The following DEPDC5 variants were observed in gnomAD, a reference collection of about 807,000 sequenced individuals.
The protein encoded by DEPDC5 is DEP domain containing 5, GATOR1 subcomplex subunit.
DEPDC5 carries 73 observed loss-of-function variants against 217.3 expected under a neutral mutation model. The ratio of observed to expected loss-of-function variants is 0.34; its 90% CI spans 0.28 to 0.41. The LOEUF is 0.41. DEPDC5 is among the 10% of genes least tolerant of loss of function. The pLI, the probability that DEPDC5 is intolerant of heterozygous loss-of-function variation, is 1.00. For missense variants in DEPDC5, 1,675 were observed against 2,070.1 expected, an observed-to-expected ratio of 0.81 and a Z score of 3.70; for synonymous variants, 733 against 756.7, an observed-to-expected ratio of 0.97 and a Z score of 0.51.
chr22:31,768,735 T>C, intron 6 of DEPDC5, 79 bp from the exon 7 acceptor site: 1 of 1,253,154 alleles, frequency 8.0e-7, no homozygotes, highest in African/African-American at 1.5e-5. Context: ...ATGGCCTTAA[T>C]ATGTTAATCA....
At chr22:31,841,033 C>T (rs576905428) in intron 27 of DEPDC5, among the ~76,000 whole-genome samples, 1 of 152,368 alleles carries the variant, frequency 6.6e-6, no homozygotes, top group Non-Finnish European at 1.5e-5. Context: ...TGCTCATGAA[C>T]CTTGTCCCAT....
At chr22:31,776,876 C>T (rs895624922) in intron 7 of DEPDC5, among the ~76,000 whole-genome samples, 1 of 151,534 alleles carries the variant, frequency 6.6e-6, no homozygotes, top group African/African-American at 2.4e-5. Context: ...CACCCATTCT[C>T]GTACTATCTA....
chr22:31,832,341 C>G (rs2090665703), intron 24 of DEPDC5, among the ~76,000 whole-genome samples: 1 of 152,130 alleles, frequency 6.6e-6, no homozygotes, highest in Non-Finnish European at 1.5e-5. Flanking sequence ...ATCTGTTTTC[C>G]AAAGTGGTGT....
intron 3 of DEPDC5, 37 bp from the exon 4 acceptor site, chr22:31,760,619 C>T: frequency 1.9e-6 from 3 of 1,598,038 alleles, no homozygotes; most frequent in East Asian, 2.2e-5. Flanking sequence ...AGTTACTGTT[C>T]ACGGTATCCC....
At chr22:31,810,735 C>A in intron 20 of DEPDC5, 94 bp downstream of exon 20, 1 of 1,542,772 alleles carries the variant, frequency 6.5e-7, no homozygotes, top group Non-Finnish European at 8.7e-7. Flanking sequence ...CCTTGAAAAT[C>A]TTGTTTTGTT....
At chr22:31,807,293 C>T (rs2087667055) in intron 18 of DEPDC5, among the ~76,000 whole-genome samples, 1 of 152,134 alleles carries the variant, frequency 6.6e-6, no homozygotes, top group South Asian at 2.1e-4. Context: ...GCAAATACAT[C>T]TGGGTTTAGT....
intron 24 of DEPDC5, among the ~76,000 whole-genome samples, chr22:31,824,429 G>A (rs915214267): frequency 2.0e-5 from 3 of 152,128 alleles, no homozygotes; most frequent in East Asian, 3.8e-4. Flanking sequence ...TCATTGGTAG[G>A]TTCATCCAGC....
intron 14 of DEPDC5, among the ~76,000 whole-genome samples, chr22:31,799,388 A>G (rs1276359461): frequency 2.7e-5 from 4 of 150,876 alleles, no homozygotes; most frequent in Non-Finnish European, 5.9e-5. Context: ...ACACGTGCAG[A>G]ATGTGCAGGT....
chr22:31,887,557 G>T (rs2149344037), intron 38 of DEPDC5, among the ~76,000 whole-genome samples: 1 of 152,216 alleles, frequency 6.6e-6, no homozygotes, highest in African/African-American at 2.4e-5. Context: ...GCCTTAGGGG[G>T]TCAGTGAGTC....
chr22:31,867,394 C>T (rs2092717327), intron 33 of DEPDC5, among the ~76,000 whole-genome samples: 1 of 152,166 alleles, frequency 6.6e-6, no homozygotes, highest in Non-Finnish European at 1.5e-5. Context: ...AGTGGGAAAC[C>T]TCTGTTCCAA....
intron 40 of DEPDC5, among the ~76,000 whole-genome samples, chr22:31,899,537 C>T (rs768937096): frequency 1.2e-4 from 18 of 152,030 alleles, no homozygotes; most frequent in African/African-American, 2.7e-4. Context: ...TACAGGCACA[C>T]GCCATTCATG....
chr22:31,768,008 G>A (rs894602641), intron 6 of DEPDC5, among the ~76,000 whole-genome samples: 2 of 151,776 alleles, frequency 1.3e-5, no homozygotes, highest in African/African-American at 4.8e-5. Flanking sequence ...GCCTCCCAAA[G>A]TGCTGGGATT....
chr22:31,804,364 T>C, intron 16 of DEPDC5, 141 bp downstream of exon 16: 1 of 780,632 alleles, frequency 1.3e-6, no homozygotes, highest in South Asian at 1.7e-5. Context: ...CCTAGGAGTT[T>C]CGGTATAGTT....
intron 12 of DEPDC5, among the ~76,000 whole-genome samples, chr22:31,796,074 T>C (rs1474955583): frequency 2.0e-5 from 3 of 150,744 alleles, no homozygotes; most frequent in African/African-American, 7.3e-5. Context: ...TGCCAATCCA[T>C]GTTAAACACA....
At chr22:31,771,225 T>A (rs2083324815) in intron 7 of DEPDC5, among the ~76,000 whole-genome samples, 1 of 152,196 alleles carries the variant, frequency 6.6e-6, no homozygotes, top group Non-Finnish European at 1.5e-5. Context: ...TAATTTTTCA[T>A]CATCAACTAG....
intron 24 of DEPDC5, among the ~76,000 whole-genome samples, chr22:31,828,937 G>A (rs924186345): frequency 2.0e-5 from 3 of 152,218 alleles, no homozygotes; most frequent in Non-Finnish European, 4.4e-5. Flanking sequence ...AATGGTTTCA[G>A]TGTGGTTTGA....
In DEPDC5 at chr22:31,827,876, C is replaced by T. The variant is rs538080963; in HGVS notation, c.2104+5086C>T. ...CAGTCCTGGTTTGAATTTGTGAACC[C>T]ATATGACTATTAATAGTGTCCCCTT... On this transcript the variant is annotated intron_variant, in intron 24 of 42. Transcript: ENST00000651528. Among the ~76,000 whole-genome samples, 9 of 152,256 alleles carry T rather than the reference C, an allele frequency of 5.9e-5. No homozygotes were observed. The South Asian group carries it at 8.3e-4, about 14-fold the overall frequency.
intron 11 of DEPDC5, 99 bp from the exon 12 acceptor site, chr22:31,792,646 A>G: frequency 9.1e-6 from 3 of 328,208 alleles, no homozygotes; most frequent in Non-Finnish European, 1.5e-5. Flanking sequence ...AGTTATCTTT[A>G]TTTTTTTGTG....
intron 24 of DEPDC5, among the ~76,000 whole-genome samples, chr22:31,828,213 G>A (rs975711258): frequency 1.3e-5 from 2 of 152,198 alleles, no homozygotes; most frequent in East Asian, 3.8e-4. Flanking sequence ...CACTTTGGGA[G>A]GCCAAGGCGG....
Sources: allele counts gnomAD v4.1 joint callset (sites outside exome capture counted in the v4.1 genomes callset), GRCh38; gene constraint gnomAD v4.1.1; transcripts MANE v1.5; gene names NCBI Gene and HGNC (gene_info 2026-07-23, HGNC 2026-07-21).